The following AUH variants were observed in gnomAD, a reference collection of about 807,000 sequenced individuals.
AUH encodes the protein methylglutaconyl-CoA hydratase, mitochondrial.
A neutral mutation model predicts 42.3 loss-of-function variants in AUH; 29 were observed. The ratio of observed to expected loss-of-function variants is 0.69; its 90% confidence interval spans 0.51 to 0.93. The LOEUF is 0.93. AUH is among the 40% of genes least tolerant of loss of function. The pLI, the probability that AUH is intolerant of heterozygous loss-of-function variation, is 0.00. For synonymous variants in AUH, 174 were observed against 166.4 expected (o/e 1.05, Z -0.35); for missense variants, 452 against 438.1 (o/e 1.03, Z -0.28).
At chr9:91,320,551 A>G (rs1829489017) in intron 4 of AUH, among the ~76,000 whole-genome samples, 1 of 152,182 alleles carries the variant, frequency 6.6e-6, no homozygotes, top group Admixed American at 6.5e-5. Flanking sequence ...TTTTTTGTCT[A>G]TAAATTTGTT....
intron 3 of AUH, among the ~76,000 whole-genome samples, chr9:91,330,608 T>C (rs746064093): frequency 1.3e-5 from 2 of 152,180 alleles, no homozygotes; most frequent in Non-Finnish European, 2.9e-5. Context: ...AAATGCATGA[T>C]GTGTACTAAA....
At chr9:91,301,268 T>C (rs915643130) in intron 4 of AUH, among the ~76,000 whole-genome samples, 7 of 152,216 alleles carry the variant, frequency 4.6e-5, no homozygotes, top group Admixed American at 3.3e-4. Context: ...CGTGATATTA[T>C]GAAATACATA....
At chr9:91,237,430 T>G (rs557795261) in intron 6 of AUH, among the ~76,000 whole-genome samples, 1 of 152,318 alleles carries the variant, frequency 6.6e-6, no homozygotes, top group Non-Finnish European at 1.5e-5. Context: ...ACACTCAAAA[T>G]GGATATCTTT....
intron 6 of AUH, chr9:91,294,723 C>T (rs1338655783): frequency 2.2e-6 from 1 of 455,940 alleles, no homozygotes; most frequent in East Asian, 7.0e-5. Flanking sequence ...TCAATATTAA[C>T]AGGAGTTTGG....
At chr9:91,355,991 T>C (rs376280638) in intron 2 of AUH, 21 bp from the exon 3 acceptor site, 25 of 1,606,500 alleles carry the variant, frequency 1.6e-5, no homozygotes, top group Middle Eastern at 1.7e-4. Flanking sequence ...ATAGGAAGCA[T>C]AGGAGGAAAA....
rs938745503 is a variant in AUH at position 91,295,944 on chromosome 9, A to G, written c.655+77T>C. On this transcript the variant is annotated intron_variant, in intron 6 of 9. Coordinates refer to ENST00000375731, the MANE Select transcript of AUH (RefSeq NM_001698.3). Reference sequence around the variant, plus strand: ...CTTTACGCAAAATGTTGCCTTTCCAATTAACATGATTTTGCCTTATGCCCT... The same window carrying G: ...CTTTACGCAAAATGTTGCCTTTCCAGTTAACATGATTTTGCCTTATGCCCT... The G allele has an allele frequency of 4.7e-5, 72 of 1,521,532 alleles. 1 individual carries two copies. In the South Asian group the frequency reaches 7.4e-4, roughly 16 times the overall value. The allele number at this position is 1,521,532 out of a possible 1,614,324, so 94.3% of individuals were successfully genotyped here.
intron 8 of AUH, 96 bp downstream of exon 8, chr9:91,217,181 G>A: frequency 7.7e-7 from 1 of 1,301,192 alleles, no homozygotes; most frequent in Non-Finnish European, 1.1e-6. Flanking sequence ...CCATATTTTA[G>A]AACTTTAAAA....
chr9:91,306,486 A>G (rs1182239987), intron 4 of AUH: 20 of 554,198 alleles, frequency 3.6e-5, no homozygotes, highest in Non-Finnish European at 2.5e-5. Flanking sequence ...GCAGGAAAAA[A>G]CCTCACCATT....
intron 4 of AUH, among the ~76,000 whole-genome samples, chr9:91,321,969 C>T (rs889740442): frequency 2.0e-5 from 3 of 152,096 alleles, no homozygotes; most frequent in African/African-American, 7.2e-5. Context: ...AGCCTGCCTG[C>T]CTGTGATTTT....
chr9:91,214,535 C>G, intron 9 of AUH, 110 bp from the exon 10 acceptor site: 1 of 881,154 alleles, frequency 1.1e-6, no homozygotes, highest in East Asian at 2.7e-5. Context: ...ATTTTGAAAT[C>G]AGTCACCTGA....
intron 6 of AUH, among the ~76,000 whole-genome samples, chr9:91,238,266 G>C (rs1253011009): frequency 6.6e-6 from 1 of 152,104 alleles, no homozygotes; most frequent in Non-Finnish European, 1.5e-5. Context: ...TTATCTCATG[G>C]TCCAAAAAGG....
intron 1 of AUH, chr9:91,357,553 TTAA>T: frequency 1.1e-6 from 1 of 909,018 alleles, no homozygotes; most frequent in Non-Finnish European, 1.3e-6. Context: ...ATAGAAATCA[TTAA>T]TAATCATAAA....
rs1000847589 is a variant in AUH, at chr9:91,361,731, G to C, written c.159C>G (p.Gly53=). The C allele has an allele frequency of 2.6e-6, 4 of 1,547,960 alleles. No homozygotes were observed. In the African/African-American group the frequency reaches 5.5e-5, roughly 21 times the overall value. The change falls in exon 1 of 10, where the codon GGC becomes GGG. Residue 53 remains glycine (G), a synonymous_variant. Transcript: ENST00000375731. ...RRAGPAIWAQ[G]WVPAAGGPAP... ...CGGGACCCCCGGCCGCAGGTACCCA[G>C]CCCTGGGCCCAGATCGCCGGGCCCG...
At chr9:91,358,696 T>C (rs2132103618) in intron 1 of AUH, among the ~76,000 whole-genome samples, 1 of 152,360 alleles carries the variant, frequency 6.6e-6, no homozygotes, top group South Asian at 2.1e-4. Context: ...GCTGACATTA[T>C]TACTGAAGGG....
intron 6 of AUH, among the ~76,000 whole-genome samples, chr9:91,283,364 A>G (rs1247165470): frequency 6.6e-5 from 10 of 152,008 alleles, no homozygotes; most frequent in Admixed American, 1.3e-4. Flanking sequence ...CATACTGAAT[A>G]GGCAAAAACT....
chr9:91,361,646 G>A lies in AUH; in HGVS notation c.244C>T (p.Leu82=). 6.3e-7 allele frequency: 1 copy of A among 1,584,466 alleles called. No individual in the cohort carries two copies. The highest frequency in any genetic ancestry group is 8.6e-7 in the Non-Finnish European group (1 of 1,166,030). Residue 82 remains leucine (L), a synonymous_variant, in exon 1 of 10, where the codon CTG becomes TTG. Coordinates refer to ENST00000375731, the MANE Select transcript of AUH (RefSeq NM_001698.3). ...KTEDELRVRH[L]EEENRGIVVL... Reference sequence around the variant, plus strand: ...ACCTCACCTCGGTTCTCCTCCTCCAGGTGCCGCACCCGCAGCTCGTCCTCC... The same window carrying A: ...ACCTCACCTCGGTTCTCCTCCTCCAAGTGCCGCACCCGCAGCTCGTCCTCC...
At chr9:91,344,880 T>C (rs1022675012) in intron 3 of AUH, among the ~76,000 whole-genome samples, 4 of 152,092 alleles carry the variant, frequency 2.6e-5, no homozygotes, top group Admixed American at 2.6e-4. Flanking sequence ...GAGAGGTCTG[T>C]TCCAGGAATA....
At chr9:91,239,151 G>C (rs1297892080) in intron 6 of AUH, among the ~76,000 whole-genome samples, 1 of 140,862 alleles carries the variant, frequency 7.1e-6, no homozygotes, top group Non-Finnish European at 1.5e-5. Context: ...CAAGCTTTTT[G>C]TTCTGTTTTT....
At chr9:91,293,061 G>T in intron 6 of AUH, among the ~76,000 whole-genome samples, 1 of 152,150 alleles carries the variant, frequency 6.6e-6, no homozygotes, top group South Asian at 2.1e-4. Context: ...GCCCACATAG[G>T]ATGGCAAACT....
Sources: gnomAD v4.1 joint callset for allele counts (sites outside exome capture counted in the v4.1 genomes callset) on GRCh38, gnomAD v4.1.1 for gene constraint, MANE v1.5 for transcripts, NCBI Gene and HGNC (gene_info 2026-07-23, HGNC 2026-07-21) for gene names.